Variants in BRCA1 observed in about 807,000 individuals in gnomAD.
The protein encoded by BRCA1 is BRCA1 DNA repair associated, also known as breast cancer type 1 susceptibility protein.
BRCA1 carries 140 observed loss-of-function variants against 173.7 expected under a neutral mutation model. The ratio of observed to expected loss-of-function variants is 0.81; its 90% CI spans 0.70 to 0.93. BRCA1 has a LOEUF of 0.93. BRCA1 is among the 40% of genes least tolerant of loss of function. BRCA1 has a pLI of 0.00. For synonymous variants in BRCA1, 662 were observed against 756.0 expected (o/e 0.88, Z 2.04); for missense variants, 1,983 against 2,172.5 (o/e 0.91, Z 1.73).
intron 1 of BRCA1, among the ~76,000 whole-genome samples, chr17:43,134,868 C>T (rs1183383415): frequency 2.0e-5 from 3 of 152,220 alleles, no homozygotes; most frequent in Non-Finnish European, 4.4e-5. Flanking sequence ...AAAAGGGATA[C>T]TTTCCTAACC....
At chr17:43,054,218 C>T (rs1053026342) in intron 19 of BRCA1, among the ~76,000 whole-genome samples, 1 of 152,170 alleles carries the variant, frequency 6.6e-6, no homozygotes, top group Admixed American at 6.5e-5. Context: ...TCACATGGCG[C>T]TCCCCTGTGG....
Position 43,061,668 on chromosome 17 carries a change from C to T in BRCA1, c.5193+1665G>A, listed in dbSNP as rs1418971028. Among the ~76,000 whole-genome samples the T allele has an allele frequency of 2.6e-5, 4 of 151,704 alleles. No individual in the cohort carries two copies. The South Asian group carries it at 6.2e-4, about 24-fold the overall frequency. On this transcript the variant is annotated intron_variant, in intron 18 of 22. Coordinates refer to ENST00000357654, the MANE Select transcript of BRCA1 (RefSeq NM_007294.4). ...TGCAATCTAGGCTCACTGCAACCTC[C>T]GCCTCCCGGGTTCAAGTGATTCTCC...
intron 1 of BRCA1, chr17:43,145,302 TACAA>T (rs2056112744): frequency 1.6e-6 from 1 of 613,978 alleles, no homozygotes; most frequent in Non-Finnish European, 3.1e-6. Flanking sequence ...CTCCCTTCTT[TACAA>T]TTCAGAGGAA....
Position 43,076,424 on chromosome 17 carries a change from A to G in BRCA1, c.4484+64T>C, listed in dbSNP as rs764567792. ...AGAAAGTATGGTGAAAAAAATTAAC[A>G]ATCAGAGTTCAATATAAATAAAGAT... On this transcript the variant is annotated intron_variant, in intron 13 of 22. Transcript: ENST00000357654. The G allele has an allele frequency of 1.1e-5, 18 of 1,591,328 alleles. No individual in the cohort carries two copies. In the Admixed American group the frequency reaches 3.0e-4, roughly 27 times the overall value.
At chr17:43,148,364 G>C (rs1374530892) in intron 1 of BRCA1, 1 of 153,620 alleles carries the variant, frequency 6.5e-6, no homozygotes, top group Non-Finnish European at 1.5e-5. Flanking sequence ...CACCAAACAG[G>C]CTTTGTGTGA....
intron 12 of BRCA1, chr17:43,079,171 T>C: frequency 1.5e-6 from 1 of 680,874 alleles, no homozygotes; most frequent in Non-Finnish European, 2.6e-6. Context: ...TGAAACTTCA[T>C]CTCAAACAAA....
chr17:43,100,685 A>ATATATATATG (rs2054425333), intron 6 of BRCA1, among the ~76,000 whole-genome samples: 1 of 10,206 alleles, frequency 9.8e-5, no homozygotes, highest in Non-Finnish European at 4.5e-4. Context: ...TATAATATAT[A>ATATATATATG]TATATATATA....
upstream of BRCA1, among the ~76,000 whole-genome samples, chr17:43,127,213 C>T (rs866516010): frequency 3.3e-5 from 5 of 152,338 alleles, no homozygotes; most frequent in South Asian, 6.2e-4. Context: ...TGCAGGCGCC[C>T]GGCACAGCCC....
chr17:43,114,874 C>G (rs1229833753), intron 3 of BRCA1, among the ~76,000 whole-genome samples: 2 of 152,168 alleles, frequency 1.3e-5, no homozygotes, highest in Non-Finnish European at 1.5e-5. Flanking sequence ...ACCTACTCTA[C>G]TTTTTCTGAA....
chr17:43,121,777 TAAC>T (rs887242377), intron 2 of BRCA1, among the ~76,000 whole-genome samples: 2 of 133,120 alleles, frequency 1.5e-5, no homozygotes, highest in African/African-American at 5.7e-5. Flanking sequence ...TGATTGAAAA[TAAC>T]AATTTAGCAT....
Position 43,092,320 on chromosome 17 carries a change from C to T in BRCA1, c.3211G>A (p.Glu1071Lys), listed in dbSNP as rs41293445. ...TTTGGCCCTCTGTTTCTACCTAGTTCTGCTTGAATGTTTTCATCACTGGAA... is the reference window on the plus strand; with the variant it reads ...TTTGGCCCTCTGTTTCTACCTAGTTTTGCTTGAATGTTTTCATCACTGGAA... ...IGSSDENIQA[E>K]LGRNRGPKLN... Residue 1071 changes from glutamate (E) to lysine (K), a missense_variant, in exon 10 of 23, where the codon GAA becomes AAA. Glu to Lys is a moderately conservative substitution (Grantham distance 56). Coordinates refer to ENST00000357654, the MANE Select transcript of BRCA1 (RefSeq NM_007294.4). The T allele has an allele frequency of 3.1e-6, 5 of 1,613,784 alleles. No homozygotes were observed. The highest frequency in any genetic ancestry group is 4.2e-6 in the Non-Finnish European group (5 of 1,180,032).
intron 6 of BRCA1, among the ~76,000 whole-genome samples, chr17:43,102,175 A>G (rs1169970710): frequency 6.6e-6 from 1 of 150,862 alleles, no homozygotes; most frequent in Non-Finnish European, 1.5e-5. Context: ...GGTTCATGCT[A>G]TTCTCCTGCC....
intron 6 of BRCA1, among the ~76,000 whole-genome samples, 173 bp downstream of exon 6, chr17:43,103,940 CTACTAAAAA>C: frequency 6.6e-6 from 1 of 151,780 alleles, no homozygotes; most frequent in African/African-American, 2.4e-5. Flanking sequence ...AACCCCGTCT[CTACTAAAAA>C]TACAAAAATT....
At chr17:43,096,987 G>C (rs2054165415) in intron 8 of BRCA1, among the ~76,000 whole-genome samples, 1 of 152,130 alleles carries the variant, frequency 6.6e-6, no homozygotes, top group Admixed American at 6.6e-5. Flanking sequence ...GCCTACTTGA[G>C]GGAGGAAGGT....
At chr17:43,165,484 T>TG (rs1380634618) in intron 1 of BRCA1, among the ~76,000 whole-genome samples, 1 of 2,004 alleles carries the variant, frequency 5.0e-4, no homozygotes, top group Non-Finnish European at 1.2e-3. Flanking sequence ...GCATATAAAC[T>TG]GTTTTTTTTT....
chr17:43,118,276 C>G (rs2055386456), intron 2 of BRCA1, among the ~76,000 whole-genome samples: 1 of 152,106 alleles, frequency 6.6e-6, no homozygotes, highest in Non-Finnish European at 1.5e-5. Flanking sequence ...TGTAATAATC[C>G]AGGAGGATAT....
intron 1 of BRCA1, chr17:43,125,058 G>T (rs1187677747): frequency 9.2e-6 from 4 of 435,256 alleles, no homozygotes; most frequent in African/African-American, 2.0e-5. Context: ...TTCCCCCACG[G>T]ACACTCAGTG....
intron 16 of BRCA1, 132 bp from the exon 17 acceptor site, chr17:43,064,083 G>C: frequency 1.3e-6 from 1 of 772,256 alleles, no homozygotes; most frequent in Non-Finnish European, 2.2e-6. Context: ...AAAACCCCTG[G>C]TGACAGAATC....
At chr17:43,090,253 G>C (rs986920455) in intron 11 of BRCA1, among the ~76,000 whole-genome samples, 1 of 152,140 alleles carries the variant, frequency 6.6e-6, no homozygotes, top group Non-Finnish European at 1.5e-5. Context: ...ACCTGCAGTA[G>C]GCATATTCTT....
Sources: gnomAD v4.1 joint callset for allele counts (sites outside exome capture counted in the v4.1 genomes callset) on GRCh38, gnomAD v4.1.1 for gene constraint, MANE v1.5 for transcripts, NCBI Gene and HGNC (gene_info 2026-07-23, HGNC 2026-07-21) for gene names.